The following QTMAN variants were observed in gnomAD, a reference collection of about 807,000 sequenced individuals.
QTMAN encodes the protein queuosine-tRNA mannosyltransferase.
the QTMAN span, among the ~76,000 whole-genome samples, chr2:144,154,123 GA>G: frequency 6.6e-6 from 1 of 152,276 alleles, no homozygotes; most frequent in East Asian, 1.9e-4. Context: ...AAATATAAAA[GA>G]ATATAAGTGG....
chr2:144,240,232 T>G, the QTMAN span, among the ~76,000 whole-genome samples: 1 of 152,174 alleles, frequency 6.6e-6, no homozygotes, highest in Non-Finnish European at 1.5e-5. Context: ...TCAAAAGGGG[T>G]GATAGGCAAT....
chr2:143,976,181 A>C, the QTMAN span, among the ~76,000 whole-genome samples: 3 of 150,834 alleles, frequency 2.0e-5, no homozygotes, highest in Admixed American at 1.3e-4. Flanking sequence ...GCAGTTTTTG[A>C]CTTTTTTTTT....
At chr2:143,944,870 G>A in the QTMAN span, 9 of 151,260 alleles carry the variant, frequency 6.0e-5, no homozygotes, top group Non-Finnish European at 1.2e-4. Flanking sequence ...GCCTAAATCA[G>A]GAAAATACGT....
At chr2:144,255,043 G>A in the QTMAN span, among the ~76,000 whole-genome samples, 53 of 152,324 alleles carry the variant, frequency 3.5e-4, no homozygotes, top group Non-Finnish European at 3.1e-4. Context: ...CTCATAGGCA[G>A]ACAGGACTTG....
At chr2:144,020,054 AG>A in the QTMAN span, among the ~76,000 whole-genome samples, 1 of 152,226 alleles carries the variant, frequency 6.6e-6, no homozygotes, top group Non-Finnish European at 1.5e-5. Context: ...CAGACATTTG[AG>A]GAAAACTCGT....
chr2:144,103,069 G>A, the QTMAN span, among the ~76,000 whole-genome samples: 1 of 152,130 alleles, frequency 6.6e-6, no homozygotes, highest in Non-Finnish European at 1.5e-5. Flanking sequence ...CGTTATAGGG[G>A]AATATATTGG....
the QTMAN span, among the ~76,000 whole-genome samples, chr2:143,976,182 CT>C: frequency 1.4e-4 from 21 of 149,756 alleles, no homozygotes; most frequent in African/African-American, 4.9e-4. Context: ...CAGTTTTTGA[CT>C]TTTTTTTTTC....
At chr2:144,120,843 CT>C in the QTMAN span, among the ~76,000 whole-genome samples, 2 of 152,068 alleles carry the variant, frequency 1.3e-5, no homozygotes, top group South Asian at 4.2e-4. Flanking sequence ...CTGGCTCTGC[CT>C]TTTATTGATT....
the QTMAN span, among the ~76,000 whole-genome samples, chr2:144,003,238 A>G: frequency 1.1e-4 from 16 of 152,048 alleles, no homozygotes; most frequent in East Asian, 2.3e-3. Context: ...TTGAGACCAA[A>G]GAGTTTGAGA....
At chr2:144,199,026 T>G in the QTMAN span, among the ~76,000 whole-genome samples, 23 of 151,960 alleles carry the variant, frequency 1.5e-4, no homozygotes, top group Non-Finnish European at 2.9e-5. Context: ...AAGCAAGAAT[T>G]AAACCCACTT....
At chr2:144,289,029 CTTTTTTTTTT>C in the QTMAN span, among the ~76,000 whole-genome samples, 2 of 115,974 alleles carry the variant, frequency 1.7e-5, no homozygotes, top group Admixed American at 8.6e-5. Context: ...CAAGAAAATT[CTTTTTTTTTT>C]TTTTTTTTTT....
At chr2:144,045,109 C>A in the QTMAN span, among the ~76,000 whole-genome samples, 3 of 152,220 alleles carry the variant, frequency 2.0e-5, no homozygotes, top group East Asian at 3.9e-4. Flanking sequence ...AGGGGCACAA[C>A]CCACAAATGC....
At chr2:144,110,730 A>G in the QTMAN span, among the ~76,000 whole-genome samples, 1 of 147,200 alleles carries the variant, frequency 6.8e-6, no homozygotes, top group Non-Finnish European at 1.5e-5. Context: ...GAAATCTTAC[A>G]TTACGAAATT....
the QTMAN span, among the ~76,000 whole-genome samples, chr2:144,170,905 C>G: frequency 6.6e-6 from 1 of 152,064 alleles, no homozygotes; most frequent in African/African-American, 2.4e-5. Context: ...GTTTCCATGA[C>G]TTCAACTTTC....
chr2:144,130,375 C>G, the QTMAN span, among the ~76,000 whole-genome samples: 1 of 151,848 alleles, frequency 6.6e-6, no homozygotes, highest in South Asian at 2.1e-4. Context: ...GCACTCAGTA[C>G]AGCATAGTAA....
chr2:144,068,077 T>C, the QTMAN span, among the ~76,000 whole-genome samples: 3 of 152,188 alleles, frequency 2.0e-5, no homozygotes, highest in African/African-American at 7.2e-5. Flanking sequence ...ATTCTCTTTT[T>C]AAAGGGTATA....
chr2:144,163,167 T>C, the QTMAN span, among the ~76,000 whole-genome samples: 1 of 152,092 alleles, frequency 6.6e-6, no homozygotes, highest in Admixed American at 6.6e-5. Flanking sequence ...TAAAGCAATG[T>C]AAGACTAGAT....
At chr2:144,082,629 C>A in the QTMAN span, among the ~76,000 whole-genome samples, 10 of 152,124 alleles carry the variant, frequency 6.6e-5, no homozygotes, top group Non-Finnish European at 1.3e-4. Flanking sequence ...GGCACATATA[C>A]CATAGCCCTT....
At chr2:143,970,516 T>C in the QTMAN span, 1 of 665,030 alleles carries the variant, frequency 1.5e-6, no homozygotes, top group East Asian at 2.7e-5. Flanking sequence ...AATCAGACTT[T>C]AATGCCATCG....
Sources: allele counts gnomAD v4.1 joint callset (sites outside exome capture counted in the v4.1 genomes callset), GRCh38; gene constraint gnomAD v4.1.1; transcripts MANE v1.5; gene names NCBI Gene and HGNC (gene_info 2026-07-23, HGNC 2026-07-21).